GPSM1: variants seen among roughly 807,000 people sequenced by gnomAD.
The protein encoded by GPSM1 is G protein signaling modulator 1.
A neutral mutation model predicts 70.5 loss-of-function variants in GPSM1; 48 were observed. The ratio of observed to expected loss-of-function variants is 0.68; its 90% CI spans 0.54 to 0.87. The LOEUF is 0.87. GPSM1 is among the 40% of genes least tolerant of loss of function. The pLI is 0.00. For synonymous variants in GPSM1, 416 were observed against 430.1 expected, an observed-to-expected ratio of 0.97 and a Z score of 0.41; for missense variants, 981 against 972.6, an observed-to-expected ratio of 1.01 and a Z score of -0.11.
At position 136,359,532 on chromosome 9, in the gene GPSM1, G is replaced by A. The variant is rs1385096679; in HGVS notation, c.*1312G>A. The A allele has an allele frequency of 6.6e-6, 1 of 152,340 alleles. No homozygotes were observed. Among genetic ancestry groups the A allele is most frequent in the African/African-American group, 2.4e-5 (1 of 41,428 alleles). The allele number at this position is 152,340 out of a possible 1,614,324, so 9.4% of individuals were successfully genotyped here. On this transcript the variant is annotated 3_prime_UTR_variant, in exon 14 of 14. Coordinates refer to ENST00000440944, the MANE Select transcript of GPSM1 (RefSeq NM_001145638.3). ...CTCACGTCTGTGCCATGTTGTCAAT[G>A]GGTCCTTTCCAACCCAAGAGGTACA...
chr9:136,327,867 G>C (rs996385995), intron 1 of GPSM1, 104 bp downstream of exon 1: 1 of 351,570 alleles, frequency 2.8e-6, no homozygotes, highest in Non-Finnish European at 4.5e-6. Flanking sequence ...GCTCTCGCGG[G>C]CGCGCAGCGT....
chr9:136,346,942 G>C (rs1224722964), intron 9 of GPSM1, among the ~76,000 whole-genome samples: 4 of 152,170 alleles, frequency 2.6e-5, no homozygotes, highest in African/African-American at 7.2e-5. Context: ...CTAACGGTGG[G>C]GTCCGGGTGC....
intron 12 of GPSM1, 33 bp downstream of exon 12, chr9:136,355,879 G>A: frequency 6.4e-7 from 1 of 1,569,416 alleles, no homozygotes. Flanking sequence ...CCCTCCCTTG[G>A]GCTTGTCTGC....
chr9:136,332,296 G>A (rs71508848), intron 1 of GPSM1: 18,188 of 397,680 alleles, frequency 0.046, 657 homozygotes, highest in African/African-American at 0.11. Context: ...TGCATTGCCT[G>A]GATCCCAGAT....
chr9:136,338,748 G>A, intron 7 of GPSM1, 38 bp downstream of exon 7: 2 of 1,515,920 alleles, frequency 1.3e-6, no homozygotes, highest in East Asian at 4.9e-5. Flanking sequence ...ACCCGGCCCG[G>A]CCCACAGGCT....
At chr9:136,353,155 C>A in intron 11 of GPSM1, 1 of 977,418 alleles carries the variant, frequency 1.0e-6, no homozygotes, top group Non-Finnish European at 1.2e-6. Context: ...CTGTGATCCG[C>A]GTGAGTCTGG....
Position 136,341,438 on chromosome 9 carries a change from C to T in GPSM1, c.1207+445C>T. The T allele has an allele frequency of 2.9e-6, 4 of 1,392,214 alleles. No homozygotes were observed. Among genetic ancestry groups the T allele is most frequent in the Non-Finnish European group, 3.7e-6 (4 of 1,076,870 alleles). The allele number at this position is 1,392,214 out of a possible 1,614,324, so 86.2% of individuals were successfully genotyped here. A position where few individuals can be genotyped will look rare whatever the true frequency, so the allele number is the denominator to read the frequency against. On this transcript the variant is annotated intron_variant, in intron 9 of 13. Transcript: ENST00000440944. The surrounding 1 kb of genome is among the most constrained non-coding windows in gnomAD (Gnocchi z 6.7). ...CCTGGGGCAGTAATCAGGCAAGGCC[C>T]AAGGCCATGCGAGGCCACCGTGGTG...
rs1832389752 is a variant in GPSM1 at position 136,341,454 on chromosome 9, CACCGTGGTG to C, written c.1207+465_1207+473del. The C allele has an allele frequency of 7.4e-7, 1 of 1,360,428 alleles. No individual in the cohort carries two copies. The highest frequency in any genetic ancestry group is 1.5e-5 in the African/African-American group (1 of 67,210). 84.3% of individuals were successfully genotyped at this position (1,360,428 alleles called of 1,614,324 possible). On this transcript the variant is annotated intron_variant, in intron 9 of 13. Coordinates refer to ENST00000440944, the MANE Select transcript of GPSM1 (RefSeq NM_001145638.3). This position sits in a 1 kb window ranked among gnomAD's most constrained non-coding sequence, Gnocchi z 6.7. ...GGCAAGGCCCAAGGCCATGCGAGGC[CACCGTGGTG>C]ACCTCATTCATGGACCGCTGGTCGT...
At chr9:136,344,982 G>A (rs149918997) in intron 9 of GPSM1, among the ~76,000 whole-genome samples, 18 of 152,336 alleles carry the variant, frequency 1.2e-4, no homozygotes, top group Non-Finnish European at 2.1e-4. Context: ...GGCAGGTGAG[G>A]GGCAGGTGAT....
intron 11 of GPSM1, 58 bp from the exon 12 acceptor site, chr9:136,355,632 T>G (rs1312171614): frequency 1.3e-6 from 2 of 1,526,576 alleles, no homozygotes; most frequent in South Asian, 2.3e-5. Context: ...CAGCCCCCGG[T>G]CTCGTCTGGG....
rs782313009 is a variant in GPSM1, at chr9:136,337,831, G to A, written c.703-15G>A. On this transcript the variant is annotated splice_polypyrimidine_tract_variant and intron_variant, in intron 5 of 13. Transcript: ENST00000440944. ...GCTGCGCCATGACCACCTGGCCTCC[G>A]GTGTGTCTCCGCAGCGCCTGGCCAT... The A allele has an allele frequency of 3.8e-6, 6 of 1,591,256 alleles. No individual in the cohort carries two copies. The highest frequency in any genetic ancestry group is 2.2e-5 in the East Asian group (1 of 44,722).
intron 9 of GPSM1, among the ~76,000 whole-genome samples, chr9:136,345,129 C>T (rs950536161): frequency 1.3e-5 from 2 of 152,152 alleles, no homozygotes; most frequent in African/African-American, 4.8e-5. Flanking sequence ...TGAGCCAAGC[C>T]GGCGGGGCGG....
At position 136,345,271 on chromosome 9, in the gene GPSM1, G is replaced by A. The variant is rs73563510; in HGVS notation, c.1208-3426G>A. 6.9e-3 allele frequency among the ~76,000 whole-genome samples: 1,051 copies of A among 152,314 alleles called. 14 individuals are homozygous for A. Among genetic ancestry groups the A allele is most frequent in the African/African-American group, 0.024 (993 of 41,558 alleles). ...TGATGACAGTGTGACGGTCAGCGTC[G>A]GGTGGCCATGGGGCGGTGCTGGGAG... is the stretch of plus-strand genomic sequence containing the variant. On this transcript the variant is annotated intron_variant, in intron 9 of 13. Transcript: ENST00000440944.
At chr9:136,336,889 G>A (rs1422039631) in intron 3 of GPSM1, 32 bp from the exon 4 acceptor site, 3 of 1,539,506 alleles carry the variant, frequency 1.9e-6, no homozygotes, top group East Asian at 4.9e-5. Flanking sequence ...GGGCCGTGGA[G>A]GCATGCCCCC....
chr9:136,341,552 A>C lies in GPSM1; in HGVS notation c.1207+559A>C. ...CGTCCCCTGCAAAGCGAAAAGACTAATAGGTGCCAGGGGGGTGGTGCCAGG... is the reference window on the plus strand; with the variant it reads ...CGTCCCCTGCAAAGCGAAAAGACTACTAGGTGCCAGGGGGGTGGTGCCAGG... On this transcript the variant is annotated intron_variant, in intron 9 of 13. Coordinates refer to ENST00000440944, the MANE Select transcript of GPSM1 (RefSeq NM_001145638.3). The surrounding 1 kb of genome is among the most constrained non-coding windows in gnomAD (Gnocchi z 6.7). 17 of 1,050,774 alleles carry C rather than the reference A, an allele frequency of 1.6e-5. No individual in the cohort carries two copies. Among genetic ancestry groups the C allele is most frequent in the Middle Eastern group, 4.5e-4 (1 of 2,212 alleles). 65.1% of individuals were successfully genotyped at this position (1,050,774 alleles called of 1,614,324 possible).
intron 1 of GPSM1, among the ~76,000 whole-genome samples, chr9:136,328,482 GC>G (rs2131388427): frequency 6.6e-6 from 1 of 152,344 alleles, no homozygotes; most frequent in African/African-American, 2.4e-5. Flanking sequence ...ATGGGTGGCA[GC>G]CGTCAGAGGC....
intron 12 of GPSM1, 55 bp downstream of exon 12, chr9:136,355,901 C>G (rs562386637): frequency 1.4e-6 from 2 of 1,436,236 alleles, no homozygotes; most frequent in African/African-American, 2.8e-5. Flanking sequence ...GGGGCCAGGA[C>G]CAGGGCTCCC....
intron 11 of GPSM1, chr9:136,353,050 T>C (rs934379169): frequency 6.1e-6 from 6 of 982,314 alleles, no homozygotes; most frequent in Non-Finnish European, 4.8e-6. Context: ...CTTGGCACTT[T>C]GGGCAGGGCG....
chr9:136,348,101 G>T (rs1280765607), intron 9 of GPSM1, among the ~76,000 whole-genome samples: 1 of 152,190 alleles, frequency 6.6e-6, no homozygotes, highest in African/African-American at 2.4e-5. Flanking sequence ...GGTCCCTTGG[G>T]TGGAGACACG....
Sources: allele counts gnomAD v4.1 joint callset (sites outside exome capture counted in the v4.1 genomes callset), GRCh38; gene constraint gnomAD v4.1.1; non-coding constraint Gnocchi (gnomAD v3.1); transcripts MANE v1.5; gene names NCBI Gene and HGNC (gene_info 2026-07-23, HGNC 2026-07-21).